CNTN4: variants seen among roughly 807,000 people sequenced by gnomAD.
CNTN4 encodes contactin-4.
Under a neutral mutation model 122.5 loss-of-function variants are expected in CNTN4, and 77 were observed. The observed-to-expected ratio is 0.63, with a 90% confidence interval of 0.52 to 0.76. The LOEUF is 0.76. Ranked by LOEUF, CNTN4 falls within the 30% of genes least tolerant of loss-of-function variation. The pLI is 0.00. For missense variants in CNTN4, 1,256 were observed against 1,259.1 expected (o/e 1.00, Z 0.04); for synonymous variants, 512 against 447.0 (o/e 1.15, Z -1.83).
At position 2,969,663 on chromosome 3, in the gene CNTN4, C is replaced by T. The variant is rs377295577; in HGVS notation, c.1359-18682C>T. On this transcript the variant is annotated intron_variant, in intron 13 of 24. Coordinates refer to ENST00000418658, the MANE Select transcript of CNTN4 (RefSeq NM_175607.3). The stretch of plus-strand genomic sequence containing the variant: ...ATCCCCTGTAGTGGTTATCACACAG[C>T]CTTTTATATAGCAAGTACTCAAAAA... 2.3e-3 allele frequency among the ~76,000 whole-genome samples: 353 copies of T among 152,192 alleles called. 3 individuals carry two copies. The highest frequency in any genetic ancestry group is 8.3e-3 in the African/African-American group (345 of 41,538).
At chr3:2,636,089 A>G (rs2082647072) in intron 4 of CNTN4, among the ~76,000 whole-genome samples, 1 of 152,192 alleles carries the variant, frequency 6.6e-6, no homozygotes, top group Non-Finnish European at 1.5e-5. Context: ...CCTTGGCTGC[A>G]GAACCTGATT....
At chr3:2,391,329 A>G (rs772304958) in intron 3 of CNTN4, among the ~76,000 whole-genome samples, 5 of 152,206 alleles carry the variant, frequency 3.3e-5, no homozygotes, top group Non-Finnish European at 5.9e-5. Context: ...CTCTGATTAA[A>G]TCCACGCAAG....
At chr3:2,432,849 C>T (rs2048127612) in intron 3 of CNTN4, among the ~76,000 whole-genome samples, 1 of 149,380 alleles carries the variant, frequency 6.7e-6, no homozygotes, top group African/African-American at 2.5e-5. Context: ...CACTCTGTCA[C>T]CTAGGCTGGA....
At chr3:2,802,915 TTTC>T (rs2092382559) in intron 6 of CNTN4, among the ~76,000 whole-genome samples, 1 of 151,808 alleles carries the variant, frequency 6.6e-6, no homozygotes, top group African/African-American at 2.4e-5. Context: ...TAAAGACGAG[TTTC>T]TTAAGTAAGA....
At chr3:2,870,635 C>A (rs189845903) in intron 8 of CNTN4, among the ~76,000 whole-genome samples, 1 of 152,242 alleles carries the variant, frequency 6.6e-6, no homozygotes, top group African/African-American at 2.4e-5. Context: ...TTTGTACAAT[C>A]ATTTTGATGA....
intron 6 of CNTN4, among the ~76,000 whole-genome samples, chr3:2,768,164 T>G (rs1334447823): frequency 6.6e-6 from 1 of 152,230 alleles, no homozygotes; most frequent in Non-Finnish European, 1.5e-5. Flanking sequence ...CACAAATGTA[T>G]CCTTCATTTG....
intron 2 of CNTN4, among the ~76,000 whole-genome samples, chr3:2,125,084 A>T (rs1008580780): frequency 6.6e-6 from 1 of 152,054 alleles, no homozygotes; most frequent in Non-Finnish European, 1.5e-5. Context: ...TTGAAATTTT[A>T]TACCCTTTGT....
intron 2 of CNTN4, among the ~76,000 whole-genome samples, chr3:2,183,715 C>G (rs1028263182): frequency 6.6e-6 from 1 of 152,036 alleles, no homozygotes; most frequent in African/African-American, 2.4e-5. Context: ...GATATCTGGA[C>G]TGTATATAAC....
chr3:3,045,853 C>T (rs952292746), intron 23 of CNTN4, among the ~76,000 whole-genome samples: 2 of 152,110 alleles, frequency 1.3e-5, no homozygotes, highest in Non-Finnish European at 2.9e-5. Context: ...AAGTTCGAAC[C>T]CATCCCAAAG....
intron 6 of CNTN4, among the ~76,000 whole-genome samples, chr3:2,775,249 C>T (rs968915422): frequency 2.0e-5 from 3 of 152,096 alleles, no homozygotes; most frequent in Admixed American, 6.6e-5. Flanking sequence ...TATTTCCAGC[C>T]AGTTCATTCT....
chr3:2,395,472 T>TG (rs1292923374), intron 3 of CNTN4, among the ~76,000 whole-genome samples: 1 of 152,228 alleles, frequency 6.6e-6, no homozygotes, highest in Admixed American at 6.5e-5. Context: ...TAGGATCACA[T>TG]GGTACACTGT....
At chr3:2,988,601 CG>C in intron 14 of CNTN4, 129 bp downstream of exon 14, 1 of 932,674 alleles carries the variant, frequency 1.1e-6, no homozygotes, top group Non-Finnish European at 1.7e-6. Flanking sequence ...TAATTCATCA[CG>C]GCAAACATGA....
chr3:2,730,916 AAAG>A (rs1461954648), intron 4 of CNTN4, among the ~76,000 whole-genome samples: 2 of 152,214 alleles, frequency 1.3e-5, no homozygotes, highest in African/African-American at 4.8e-5. Flanking sequence ...AAATTAATTA[AAAG>A]AAAAAAAAAT....
At chr3:2,748,627 T>C (rs575205938) in intron 6 of CNTN4, among the ~76,000 whole-genome samples, 29 of 152,338 alleles carry the variant, frequency 1.9e-4, no homozygotes, top group Non-Finnish European at 4.0e-4. Context: ...TAGCCAAATA[T>C]ACTATAATCG....
At chr3:2,343,124 A>C (rs1296424080) in intron 3 of CNTN4, among the ~76,000 whole-genome samples, 1 of 152,242 alleles carries the variant, frequency 6.6e-6, no homozygotes, top group Non-Finnish European at 1.5e-5. Context: ...TTAGGAAGAC[A>C]AAATTTCATC....
intron 4 of CNTN4, among the ~76,000 whole-genome samples, chr3:2,608,027 G>T (rs560208506): frequency 6.6e-6 from 1 of 152,054 alleles, no homozygotes; most frequent in Admixed American, 6.6e-5. Flanking sequence ...ATCTTTAGGC[G>T]TGATGCTTAA....
At chr3:2,120,481 G>A (rs535636072) in intron 2 of CNTN4, among the ~76,000 whole-genome samples, 1 of 146,510 alleles carries the variant, frequency 6.8e-6, no homozygotes, top group Non-Finnish European at 1.5e-5. Context: ...TCCACGGACT[G>A]CGAGCTCGCT....
chr3:2,927,955 A>C (rs1183619260), intron 13 of CNTN4, among the ~76,000 whole-genome samples: 1 of 152,172 alleles, frequency 6.6e-6, no homozygotes, highest in African/African-American at 2.4e-5. Flanking sequence ...CTCACTCAGA[A>C]TGTATTAACC....
At chr3:2,571,212 C>T (rs1455352436) in intron 3 of CNTN4, 3 of 472,812 alleles carry the variant, frequency 6.3e-6, no homozygotes, top group Non-Finnish European at 1.2e-5. Context: ...CACTTCAGCT[C>T]CAATCCCTGC....
Sources: gnomAD v4.1 joint callset for allele counts (sites outside exome capture counted in the v4.1 genomes callset) on GRCh38, gnomAD v4.1.1 for gene constraint, MANE v1.5 for transcripts, NCBI Gene and HGNC (gene_info 2026-07-23, HGNC 2026-07-21) for gene names.